The following PCDH15 variants were observed in gnomAD, a reference collection of about 807,000 sequenced individuals.
PCDH15 encodes the protein protocadherin-15.
In PCDH15, 129 loss-of-function variants were observed where a neutral mutation model predicts 178.5. The observed-to-expected ratio is 0.72, with a 90% CI of 0.63 to 0.84. The LOEUF is 0.84. PCDH15 is among the 40% of genes least tolerant of loss of function. The probability of loss-of-function intolerance (pLI) is 0.00; values close to 1 mark genes in which losing one functional copy is unlikely to be tolerated. For missense variants in PCDH15, 2,230 were observed against 2,099.9 expected (o/e 1.06, Z -1.21); for synonymous variants, 800 against 732.0 (o/e 1.09, Z -1.50).
chr10:55,188,851 A>T (rs1694226528), intron 1 of PCDH15, among the ~76,000 whole-genome samples: 1 of 151,920 alleles, frequency 6.6e-6, no homozygotes, highest in Non-Finnish European at 1.5e-5. Flanking sequence ...ACCACATTAC[A>T]TTCAACTATT....
intron 2 of PCDH15, among the ~76,000 whole-genome samples, chr10:55,605,405 C>T (rs1843192563): frequency 6.6e-6 from 1 of 150,916 alleles, no homozygotes; most frequent in Non-Finnish European, 1.5e-5. Context: ...ATGAGGCCAG[C>T]ATCATTCTGA....
chr10:53,839,031 C>T (rs371286519), intron 29 of PCDH15, among the ~76,000 whole-genome samples: 1 of 151,524 alleles, frequency 6.6e-6, no homozygotes, highest in South Asian at 2.1e-4. Flanking sequence ...GGTAAAACCC[C>T]GTCTCTACTA....
At chr10:54,268,851 C>A (rs1340008961) in intron 8 of PCDH15, among the ~76,000 whole-genome samples, 2 of 151,826 alleles carry the variant, frequency 1.3e-5, no homozygotes, top group East Asian at 1.9e-4. Context: ...TTTTGATGAA[C>A]AGGATTTTTC....
At chr10:55,178,214 T>C (rs1591968418) in intron 1 of PCDH15, among the ~76,000 whole-genome samples, 1 of 152,052 alleles carries the variant, frequency 6.6e-6, no homozygotes, top group East Asian at 1.9e-4. Flanking sequence ...CCACCAAAAA[T>C]GGGTGGATGA....
chr10:54,703,121 C>G (rs963297200), intron 1 of PCDH15, among the ~76,000 whole-genome samples: 1 of 151,958 alleles, frequency 6.6e-6, no homozygotes, highest in Non-Finnish European at 1.5e-5. Context: ...TAATTCACAA[C>G]AAATCCACAT....
chr10:53,889,894 C>T (rs557175475), intron 26 of PCDH15, among the ~76,000 whole-genome samples: 13 of 152,232 alleles, frequency 8.5e-5, no homozygotes, highest in African/African-American at 2.4e-4. Flanking sequence ...ATACAATTTT[C>T]CTAAGTCTAT....
chr10:54,299,584 C>G (rs1229876220), intron 8 of PCDH15, among the ~76,000 whole-genome samples: 2 of 152,136 alleles, frequency 1.3e-5, no homozygotes, highest in Non-Finnish European at 2.9e-5. Flanking sequence ...AATCCTTAAC[C>G]CAGCAGGTTT....
At chr10:54,224,984 A>C (rs989122530) in intron 9 of PCDH15, among the ~76,000 whole-genome samples, 1 of 152,152 alleles carries the variant, frequency 6.6e-6, no homozygotes, top group Non-Finnish European at 1.5e-5. Context: ...AATAGCCACC[A>C]AAATAATTTA....
intron 1 of PCDH15, among the ~76,000 whole-genome samples, chr10:54,764,659 C>T (rs191153710): frequency 3.3e-5 from 5 of 151,862 alleles, no homozygotes; most frequent in South Asian, 2.1e-4. Context: ...TGTGTTGATA[C>T]GATAGACCAA....
chr10:53,872,338 C>A (rs2079929599), intron 26 of PCDH15, among the ~76,000 whole-genome samples: 1 of 152,138 alleles, frequency 6.6e-6, no homozygotes, highest in African/African-American at 2.4e-5. Context: ...AAGAAACACT[C>A]CATATTTAAT....
chr10:53,888,686 T>C (rs1240070271), intron 26 of PCDH15, among the ~76,000 whole-genome samples: 4 of 45,836 alleles, frequency 8.7e-5, no homozygotes, highest in Non-Finnish European at 1.7e-4. Context: ...TATATATATA[T>C]ATATATATAT....
At chr10:53,876,886 A>C (rs2080287874) in intron 26 of PCDH15, among the ~76,000 whole-genome samples, 1 of 152,202 alleles carries the variant, frequency 6.6e-6, no homozygotes, top group South Asian at 2.1e-4. Flanking sequence ...ACAATAATAG[A>C]GACATGCCAT....
chr10:55,352,245 TG>T (rs1270034579), intron 2 of PCDH15, among the ~76,000 whole-genome samples: 32 of 152,224 alleles, frequency 2.1e-4, no homozygotes, highest in African/African-American at 7.0e-4. Flanking sequence ...GCTTATTACT[TG>T]CTGTTTATTT....
chr10:55,525,015 T>A (rs184670481), intron 2 of PCDH15, among the ~76,000 whole-genome samples: 60 of 151,736 alleles, frequency 4.0e-4, no homozygotes, highest in African/African-American at 1.4e-3. Flanking sequence ...TATGCATATG[T>A]CCTCCCATTG....
intron 35 of PCDH15, among the ~76,000 whole-genome samples, chr10:53,815,624 T>C (rs991400106): frequency 1.3e-5 from 2 of 152,132 alleles, no homozygotes; most frequent in African/African-American, 4.8e-5. Flanking sequence ...AGGAATAAAA[T>C]TTTTGTAAGT....
intron 2 of PCDH15, among the ~76,000 whole-genome samples, chr10:54,655,283 A>AGG (rs2094363259): frequency 7.9e-6 from 1 of 127,298 alleles, no homozygotes; most frequent in Non-Finnish European, 1.7e-5. Flanking sequence ...AGAGAGAGAG[A>AGG]GAGAGAGAGA....
At chr10:54,876,632 A>G (rs760595531) in intron 3 of PCDH15, among the ~76,000 whole-genome samples, 1 of 152,164 alleles carries the variant, frequency 6.6e-6, no homozygotes. Flanking sequence ...CAATGGAGGA[A>G]GTAACTGCAG....
At chr10:55,118,029 G>C (rs370299494) in intron 2 of PCDH15, among the ~76,000 whole-genome samples, 2 of 152,220 alleles carry the variant, frequency 1.3e-5, no homozygotes, top group African/African-American at 4.8e-5. Context: ...GAAGTTTGAT[G>C]TCTAAGTGGC....
intron 13 of PCDH15, among the ~76,000 whole-genome samples, chr10:54,163,929 C>A (rs1321744782): frequency 6.6e-6 from 1 of 152,118 alleles, no homozygotes; most frequent in Non-Finnish European, 1.5e-5. Context: ...ACCAAGATGT[C>A]ATTTGTAAGT....
Sources: gnomAD v4.1 joint callset for allele counts (sites outside exome capture counted in the v4.1 genomes callset) on GRCh38, gnomAD v4.1.1 for gene constraint, MANE v1.5 for transcripts, NCBI Gene and HGNC (gene_info 2026-07-23, HGNC 2026-07-21) for gene names.